The following POLR3B variants were observed in gnomAD, a reference collection of about 807,000 sequenced individuals.
The protein encoded by POLR3B is RNA polymerase III subunit B, also known as DNA-directed RNA polymerase III subunit RPC2.
Under a neutral mutation model 147.4 loss-of-function variants are expected in POLR3B, and 96 were observed. That is an observed-to-expected ratio of 0.65 (90% CI 0.55 to 0.77). POLR3B has a LOEUF of 0.77. POLR3B is among the 30% of genes least tolerant of loss of function. POLR3B has a pLI of 0.00. For missense variants in POLR3B, 1,036 were observed against 1,413.5 expected, an observed-to-expected ratio of 0.73 and a Z score of 4.28; for synonymous variants, 461 against 485.9, an observed-to-expected ratio of 0.95 and a Z score of 0.67.
intron 23 of POLR3B, among the ~76,000 whole-genome samples, chr12:106,478,965 CCT>C (rs1592765380): frequency 6.6e-6 from 1 of 152,146 alleles, no homozygotes; most frequent in East Asian, 1.9e-4. Context: ...GTTTTTGTGC[CCT>C]GTTTCTCTTT....
At chr12:106,501,236 A>G (rs1664702446) in intron 25 of POLR3B, 87 bp from the exon 26 acceptor site, 1 of 806,116 alleles carries the variant, frequency 1.2e-6, no homozygotes, top group Admixed American at 1.7e-5. Context: ...ATAAATGAGT[A>G]AGGACCTGCC....
intron 13 of POLR3B, among the ~76,000 whole-genome samples, chr12:106,428,241 G>A (rs1041872672): frequency 6.6e-6 from 1 of 152,132 alleles, no homozygotes; most frequent in Non-Finnish European, 1.5e-5. Flanking sequence ...ACAAACTTCT[G>A]TTAGAATTAC....
At position 106,360,034 on chromosome 12, in the gene POLR3B, A is replaced by G. The variant is rs147351738; in HGVS notation, c.72+2083A>G. 2.6e-5 allele frequency among the ~76,000 whole-genome samples: 4 copies of G among 152,324 alleles called. No individual in the cohort carries two copies. In the East Asian group the frequency reaches 5.8e-4, roughly 22 times the overall value. ...GTTCCTCTTCCTGCACTCTGTATCC[A>G]ATCCACCATCACCTCTAAAAAGTCC... is the stretch of plus-strand genomic sequence containing the variant. On this transcript the variant is annotated intron_variant, in intron 1 of 27. Coordinates refer to ENST00000228347, the MANE Select transcript of POLR3B (RefSeq NM_018082.6).
chr12:106,470,123 A>G (rs1045576682), intron 23 of POLR3B, among the ~76,000 whole-genome samples: 1 of 152,078 alleles, frequency 6.6e-6, no homozygotes, highest in African/African-American at 2.4e-5. Context: ...ACGTAGTCGC[A>G]TATTTCTTGG....
intron 10 of POLR3B, among the ~76,000 whole-genome samples, chr12:106,401,243 C>T (rs889631045): frequency 5.9e-4 from 90 of 152,122 alleles, no homozygotes; most frequent in African/African-American, 2.0e-3. Flanking sequence ...ATAAACTCCT[C>T]GATACATACA....
intron 18 of POLR3B, among the ~76,000 whole-genome samples, chr12:106,443,131 A>G (rs1277397436): frequency 6.6e-6 from 1 of 152,206 alleles, no homozygotes; most frequent in Non-Finnish European, 1.5e-5. Context: ...TTGTCAACAT[A>G]TCCAAAATAT....
In POLR3B at chr12:106,465,915, A is replaced by G. The variant is rs546011528; in HGVS notation, c.2713+2295A>G. On this transcript the variant is annotated intron_variant, in intron 23 of 27. Transcript: ENST00000228347. ...CTTTACTATTGTGAATAGTGCCACA[A>G]TAAACATACGTGTGCATGTGTCTTT... Among the ~76,000 whole-genome samples, 4 of 152,318 alleles carry G rather than the reference A, an allele frequency of 2.6e-5. No individual in the cohort carries two copies. In the East Asian group the frequency reaches 5.8e-4, roughly 22 times the overall value.
intron 23 of POLR3B, among the ~76,000 whole-genome samples, chr12:106,479,386 C>CTT (rs542071396): frequency 6.9e-6 from 1 of 144,696 alleles, no homozygotes; most frequent in Admixed American, 6.9e-5. Context: ...TTCTCTCTCT[C>CTT]TTTTTTTTTT....
intron 6 of POLR3B, among the ~76,000 whole-genome samples, chr12:106,373,974 T>C (rs1450461933): frequency 6.6e-6 from 1 of 152,174 alleles, no homozygotes; most frequent in African/African-American, 2.4e-5. Context: ...CCATTTTTCT[T>C]TTTGGATAAT....
At position 106,457,314 on chromosome 12, in the gene POLR3B, G is replaced by GA. The variant is rs780081088; in HGVS notation, c.2452+24dup. On this transcript the variant is annotated intron_variant, in intron 21 of 27. Transcript: ENST00000228347. ...TTCTCCAGGTAAAAGCCTTTTAAAA[G>GA]AAAAAATTTTAATACTTTTTGACAT... The GA allele has an allele frequency of 6.3e-7, 1 of 1,599,686 alleles. No homozygotes were observed. The highest frequency in any genetic ancestry group is 1.1e-5 in the South Asian group (1 of 90,632).
chr12:106,377,924 C>CA (rs1477599696), intron 7 of POLR3B, among the ~76,000 whole-genome samples: 3 of 151,988 alleles, frequency 2.0e-5, no homozygotes, highest in Admixed American at 6.6e-5. Context: ...CCTGTTGTTA[C>CA]AAAAAATTTA....
In POLR3B at chr12:106,366,543, G is replaced by A. The variant is rs1226778967; in HGVS notation, c.133G>A (p.Asp45Asn). ...GAAAGGCCTTGTGAAACAGCATATA[G>A]ATTCATTTAACTATTTCATTAATGT... ...KVKGLVKQHI[D>N]SFNYFINVEI... The change falls in exon 3 of 28, where the codon GAT becomes AAT. Residue 45 changes from aspartate (D) to asparagine (N), a missense_variant. By Grantham distance (23) the Asp-to-Asn change is conservative. This residue lies in a region of POLR3B where 150 missense variants were observed against 145.5 expected (regional missense o/e 1.03). Coordinates refer to ENST00000228347, the MANE Select transcript of POLR3B (RefSeq NM_018082.6). The A allele has an allele frequency of 6.2e-7, 1 of 1,610,122 alleles. No individual in the cohort carries two copies. The highest frequency in any genetic ancestry group is 1.7e-5 in the Admixed American group (1 of 59,982).
rs71442026 is a variant in POLR3B at position 106,393,804 on chromosome 12, A to ACC, written c.846+654_846+655dup. Among the ~76,000 whole-genome samples, 363 of 134,030 alleles carry ACC rather than the reference A, an allele frequency of 2.7e-3. 2 individuals are homozygous for ACC. The highest frequency in any genetic ancestry group is 9.5e-3 in the African/African-American group (340 of 35,616). 87.9% of individuals were successfully genotyped at this position (134,030 alleles called of 152,430 possible). On this transcript the variant is annotated intron_variant, in intron 10 of 27. Coordinates refer to ENST00000228347, the MANE Select transcript of POLR3B (RefSeq NM_018082.6). ...CACACACACACACACACACACACAC[A>ACC]CCCCATAGTAAAAATAATTGCACTT...
intron 23 of POLR3B, among the ~76,000 whole-genome samples, chr12:106,464,306 TAAG>T (rs971163123): frequency 1.3e-5 from 2 of 152,268 alleles, no homozygotes; most frequent in Non-Finnish European, 2.9e-5. Context: ...CGCTTAGCTT[TAAG>T]AAGAACAACA....
intron 1 of POLR3B, among the ~76,000 whole-genome samples, chr12:106,360,064 T>A (rs1423762206): frequency 1.3e-5 from 2 of 152,138 alleles, no homozygotes; most frequent in African/African-American, 4.8e-5. Context: ...AAGTCCTGAG[T>A]TCTTAATCTA....
chr12:106,372,333 GTT>G (rs61642813), intron 6 of POLR3B, among the ~76,000 whole-genome samples: 97 of 125,958 alleles, frequency 7.7e-4, no homozygotes, highest in East Asian at 4.4e-3. Context: ...GTGTGTGTGT[GTT>G]TTTTTTTTTT....
At chr12:106,451,114 A>G (rs2037788192) in intron 19 of POLR3B, among the ~76,000 whole-genome samples, 1 of 152,144 alleles carries the variant, frequency 6.6e-6, no homozygotes, top group Admixed American at 6.6e-5. Flanking sequence ...ATGCAAACTA[A>G]TCTGTAACAA....
At chr12:106,411,722 G>GT (rs2037230676) in intron 12 of POLR3B, among the ~76,000 whole-genome samples, 1 of 152,160 alleles carries the variant, frequency 6.6e-6, no homozygotes, top group Non-Finnish European at 1.5e-5. Flanking sequence ...TGGTGACATG[G>GT]TAGAGGTAGG....
rs1441189067 is a variant in POLR3B, at chr12:106,457,313, A to G, written c.2452+17A>G. 1.1e-5 allele frequency: 18 copies of G among 1,603,404 alleles called. No homozygotes were observed. The highest frequency in any genetic ancestry group is 1.4e-5 in the Non-Finnish European group (16 of 1,170,692). ...GTTCTCCAGGTAAAAGCCTTTTAAA[A>G]GAAAAAATTTTAATACTTTTTGACA... On this transcript the variant is annotated intron_variant, in intron 21 of 27. Coordinates refer to ENST00000228347, the MANE Select transcript of POLR3B (RefSeq NM_018082.6).
Sources: gnomAD v4.1 joint callset for allele counts (sites outside exome capture counted in the v4.1 genomes callset) on GRCh38, gnomAD v4.1.1 for gene constraint, gnomAD v4.1.1 regional missense constraint, MANE v1.5 for transcripts, NCBI Gene and HGNC (gene_info 2026-07-23, HGNC 2026-07-21) for gene names.